RAP1A: variants seen among roughly 807,000 people sequenced by gnomAD.
RAP1A encodes ras-related protein Rap-1A.
RAP1A carries 6 observed loss-of-function variants against 26.4 expected under a neutral mutation model. The observed-to-expected ratio is 0.23, with a 90% CI of 0.12 to 0.45. RAP1A has a LOEUF of 0.45. Among genes scored for constraint, RAP1A ranks in the 20% least tolerant of loss-of-function variants. The pLI, the probability that RAP1A is intolerant of heterozygous loss-of-function variation, is 0.99. For missense variants in RAP1A, 121 were observed against 217.2 expected, an observed-to-expected ratio of 0.56 and a Z score of 2.78; for synonymous variants, 73 against 79.4, an observed-to-expected ratio of 0.92 and a Z score of 0.43.
intron 1 of RAP1A, among the ~76,000 whole-genome samples, chr1:111,562,570 G>A (rs1023669582): frequency 2.6e-5 from 4 of 152,210 alleles, no homozygotes; most frequent in Non-Finnish European, 4.4e-5. Flanking sequence ...TTTGTGTCAT[G>A]CTTGTCCCAT....
At chr1:111,624,872 T>A (rs567537453) in intron 1 of RAP1A, among the ~76,000 whole-genome samples, 7 of 152,286 alleles carry the variant, frequency 4.6e-5, no homozygotes, top group Admixed American at 2.6e-4. Context: ...ATGGCTTTTT[T>A]AAAAGCACTA....
At chr1:111,607,787 T>C (rs1395087225) in intron 1 of RAP1A, among the ~76,000 whole-genome samples, 3 of 128,950 alleles carry the variant, frequency 2.3e-5, no homozygotes, top group African/African-American at 9.2e-5. Context: ...GCCCCTCACC[T>C]CCCGGACGGG....
chr1:111,597,956 A>G (rs191328486), intron 1 of RAP1A, among the ~76,000 whole-genome samples: 31 of 152,360 alleles, frequency 2.0e-4, no homozygotes, highest in African/African-American at 7.5e-4. Context: ...TACTACTGAC[A>G]TAGGAAAAAG....
rs1188202225 is a variant in RAP1A, at chr1:111,713,160, T to C, written c.*759T>C. ...TATTGTTTATAGATTAAAGCGTTTA[T>C]TTTATAATGACCACATTGTTTTAAA... On this transcript the variant is annotated 3_prime_UTR_variant, in exon 8 of 8. Transcript: ENST00000369709. 2 of 152,636 alleles carry C rather than the reference T, an allele frequency of 1.3e-5. No individual in the cohort carries two copies. Among genetic ancestry groups the C allele is most frequent in the Non-Finnish European group, 2.9e-5 (2 of 68,002 alleles). The allele number at this position is 152,636 out of a possible 1,614,324, so 9.5% of individuals were successfully genotyped here.
At chr1:111,626,067 G>A (rs1659388350) in intron 1 of RAP1A, among the ~76,000 whole-genome samples, 1 of 152,170 alleles carries the variant, frequency 6.6e-6, no homozygotes, top group Non-Finnish European at 1.5e-5. Context: ...TTATAGTCTA[G>A]CAGTTTATTT....
intron 1 of RAP1A, among the ~76,000 whole-genome samples, chr1:111,553,901 A>G (rs1248424551): frequency 6.6e-6 from 1 of 152,244 alleles, no homozygotes; most frequent in Non-Finnish European, 1.5e-5. Flanking sequence ...TTAAGAACCT[A>G]TACAAAGAGC....
intron 1 of RAP1A, among the ~76,000 whole-genome samples, chr1:111,565,087 T>C (rs906940687): frequency 7.2e-5 from 11 of 152,138 alleles, no homozygotes; most frequent in African/African-American, 2.7e-4. Flanking sequence ...GCGAAGCCAA[T>C]TGGCCCTCAA....
At chr1:111,681,321 C>A (rs955481759) in intron 1 of RAP1A, among the ~76,000 whole-genome samples, 1 of 152,152 alleles carries the variant, frequency 6.6e-6, no homozygotes, top group Non-Finnish European at 1.5e-5. Flanking sequence ...TCCTCCCCAA[C>A]AAGGGAACAA....
intron 1 of RAP1A, among the ~76,000 whole-genome samples, chr1:111,555,690 T>G (rs1419607942): frequency 2.6e-5 from 4 of 152,126 alleles, no homozygotes; most frequent in African/African-American, 7.2e-5. Context: ...CAACAAATGG[T>G]GTTGGGAAAA....
chr1:111,660,852 A>G (rs1457782372), intron 1 of RAP1A, among the ~76,000 whole-genome samples: 1 of 152,100 alleles, frequency 6.6e-6, no homozygotes, highest in East Asian at 1.9e-4. Context: ...TTCCTTATCG[A>G]AGTCACCAGG....
chr1:111,625,526 G>A (rs1659371407), intron 1 of RAP1A, among the ~76,000 whole-genome samples: 1 of 152,132 alleles, frequency 6.6e-6, no homozygotes, highest in Non-Finnish European at 1.5e-5. Context: ...TGTATTTTCA[G>A]TGATATTTTA....
intron 1 of RAP1A, among the ~76,000 whole-genome samples, chr1:111,576,933 C>T (rs1480259937): frequency 6.6e-6 from 1 of 152,160 alleles, no homozygotes; most frequent in African/African-American, 2.4e-5. Flanking sequence ...CACCAAGGCT[C>T]TTACTATGCT....
At chr1:111,605,816 G>T (rs933230036) in intron 1 of RAP1A, among the ~76,000 whole-genome samples, 1 of 152,204 alleles carries the variant, frequency 6.6e-6, no homozygotes, top group Non-Finnish European at 1.5e-5. Flanking sequence ...AGTGCAGCTG[G>T]GGGCAGCAGG....
At chr1:111,695,319 T>G (rs1661794093) in intron 2 of RAP1A, 22 bp from the exon 3 acceptor site, 1 of 1,526,216 alleles carries the variant, frequency 6.6e-7, no homozygotes, top group Non-Finnish European at 8.8e-7. Flanking sequence ...TTTTTTAATA[T>G]TTCTCTTTTT....
intron 1 of RAP1A, chr1:111,542,517 A>G (rs750352768): frequency 1.6e-4 from 31 of 198,428 alleles, no homozygotes; most frequent in Non-Finnish European, 2.5e-4. Context: ...AAGGTGGGAA[A>G]TTTTTATTTC....
intron 6 of RAP1A, among the ~76,000 whole-genome samples, chr1:111,708,329 A>G (rs1445953301): frequency 2.0e-5 from 3 of 152,254 alleles, no homozygotes; most frequent in African/African-American, 4.8e-5. Context: ...AAAGGGAGAC[A>G]GTATCTCTTT....
chr1:111,648,421 A>G (rs1233530477), intron 1 of RAP1A: 5 of 592,780 alleles, frequency 8.4e-6, no homozygotes, highest in Non-Finnish European at 1.6e-5. Flanking sequence ...AGTCCTTGCC[A>G]TCTTCCAGCA....
At chr1:111,587,171 A>T (rs762308690) in intron 1 of RAP1A, among the ~76,000 whole-genome samples, 2 of 152,118 alleles carry the variant, frequency 1.3e-5, no homozygotes, top group Non-Finnish European at 2.9e-5. Context: ...AGGTGGCTAC[A>T]AGCAATTATA....
At chr1:111,690,634 G>C (rs1012598251) in intron 1 of RAP1A, among the ~76,000 whole-genome samples, 3 of 152,160 alleles carry the variant, frequency 2.0e-5, no homozygotes, top group Non-Finnish European at 4.4e-5. Context: ...GGCTGTTATT[G>C]TGGGTTGAAA....
Sources: allele counts gnomAD v4.1 joint callset (sites outside exome capture counted in the v4.1 genomes callset), GRCh38; gene constraint gnomAD v4.1.1; transcripts MANE v1.5; gene names NCBI Gene and HGNC (gene_info 2026-07-23, HGNC 2026-07-21).